The following DENND4A variants were observed in gnomAD, a reference collection of about 807,000 sequenced individuals.
DENND4A encodes the protein C-myc promoter-binding protein.
Under a neutral mutation model 199.3 loss-of-function variants are expected in DENND4A, and 70 were observed. The ratio of observed to expected loss-of-function variants is 0.35; its 90% CI spans 0.29 to 0.43. The LOEUF (loss-of-function observed/expected upper bound fraction) is 0.43. DENND4A is among the 20% of genes least tolerant of loss of function. DENND4A has a pLI of 1.00. For synonymous variants in DENND4A, 686 were observed against 766.9 expected, an observed-to-expected ratio of 0.89 and a Z score of 1.74; for missense variants, 1,723 against 2,255.8, an observed-to-expected ratio of 0.76 and a Z score of 4.78.
intron 1 of DENND4A, among the ~76,000 whole-genome samples, chr15:65,791,626 G>A (rs1194213177): frequency 6.6e-6 from 1 of 152,126 alleles, no homozygotes; most frequent in Non-Finnish European, 1.5e-5. Flanking sequence ...TACCGAGCAG[G>A]TGGGATTCCG....
rs752890550 is a variant in DENND4A at position 65,667,997 on chromosome 15, C to T, written c.4914G>A (p.Leu1638=). ...MARSISTSGP[L]DKEDTGRQKL... ...TCTGTCTTCCAGTATCTTCCTTATC[C>T]AAGGGGCCAGAAGTACTAATACTCC... is the stretch of plus-strand genomic sequence containing the variant. The change falls in exon 28 of 33, where the codon TTG becomes TTA. Residue 1638 remains leucine (L), a synonymous_variant. Transcript: ENST00000443035. 6.2e-7 allele frequency: 1 copy of T among 1,611,232 alleles called. No homozygotes were observed. The highest frequency in any genetic ancestry group is 1.7e-5 in the Admixed American group (1 of 59,098).
chr15:65,682,331 T>G (rs1212984274), intron 23 of DENND4A, among the ~76,000 whole-genome samples: 1 of 152,072 alleles, frequency 6.6e-6, no homozygotes, highest in African/African-American at 2.4e-5. Flanking sequence ...ATCTTCTATA[T>G]TAGCACTTGC....
At chr15:65,683,356 T>G (rs528653049) in intron 23 of DENND4A, among the ~76,000 whole-genome samples, 32 of 152,370 alleles carry the variant, frequency 2.1e-4, no homozygotes, top group Middle Eastern at 3.4e-3. Context: ...ATTGATATTC[T>G]TATGCTTTCC....
chr15:65,723,147 G>C (rs2075698081), intron 11 of DENND4A, among the ~76,000 whole-genome samples, 199 bp from the exon 12 acceptor site: 1 of 152,018 alleles, frequency 6.6e-6, no homozygotes, highest in Non-Finnish European at 1.5e-5. Flanking sequence ...TTTGTATGAG[G>C]GTAGAACCTT....
intron 23 of DENND4A, among the ~76,000 whole-genome samples, chr15:65,679,789 C>A: frequency 6.6e-6 from 1 of 151,950 alleles, no homozygotes; most frequent in Non-Finnish European, 1.5e-5. Flanking sequence ...TCAATGTTAG[C>A]ATGTCTGTAA....
chr15:65,757,182 C>A (rs551872665), intron 2 of DENND4A, among the ~76,000 whole-genome samples: 117 of 151,300 alleles, frequency 7.7e-4, no homozygotes, highest in African/African-American at 2.7e-3. Context: ...AGTCTGTAAA[C>A]TACCACTGAG....
At chr15:65,712,005 C>A (rs570633296) in intron 14 of DENND4A, among the ~76,000 whole-genome samples, 1 of 152,150 alleles carries the variant, frequency 6.6e-6, no homozygotes, top group Non-Finnish European at 1.5e-5. Context: ...AACACTGCTA[C>A]CATTTGAAGT....
At chr15:65,759,478 G>A (rs2076797461) in intron 2 of DENND4A, among the ~76,000 whole-genome samples, 2 of 149,248 alleles carry the variant, frequency 1.3e-5, no homozygotes. Context: ...ACTCCATCTG[G>A]AAAAAAAAAG....
At chr15:65,780,357 G>GT (rs2077406105) in intron 1 of DENND4A, among the ~76,000 whole-genome samples, 1 of 152,182 alleles carries the variant, frequency 6.6e-6, no homozygotes, top group South Asian at 2.1e-4. Context: ...AAGATTAAAA[G>GT]TAAGTAAAGG....
chr15:65,702,836 T>A, intron 16 of DENND4A, 37 bp downstream of exon 16: 5 of 1,569,306 alleles, frequency 3.2e-6, no homozygotes, highest in Non-Finnish European at 4.4e-6. Flanking sequence ...TATTTCTTGT[T>A]CTAAAATTTG....
chr15:65,733,360 C>T (rs1279277616), intron 7 of DENND4A, among the ~76,000 whole-genome samples: 1 of 151,710 alleles, frequency 6.6e-6, no homozygotes, highest in African/African-American at 2.4e-5. Context: ...CACTATGGAA[C>T]AGAAAAAAAG....
intron 23 of DENND4A, among the ~76,000 whole-genome samples, chr15:65,686,665 G>A (rs757045340): frequency 6.6e-6 from 1 of 152,074 alleles, no homozygotes; most frequent in Non-Finnish European, 1.5e-5. Context: ...AACCTCCTGA[G>A]TAGCTGGAAC....
chr15:65,686,735 G>T lies in DENND4A; in HGVS notation c.4179+3680C>A, dbSNP rs148590961. On this transcript the variant is annotated intron_variant, in intron 23 of 32. Transcript: ENST00000443035. ...ATTATGAGATCAGTCTGTTGCTCAG[G>T]TTGGAGTGCAGTGGCACAATCATAG... Among the ~76,000 whole-genome samples, 961 of 152,184 alleles carry T rather than the reference G, an allele frequency of 6.3e-3. 4 individuals are homozygous for T. Among genetic ancestry groups the T allele is most frequent in the Non-Finnish European group, 7.9e-3 (538 of 68,004 alleles).
chr15:65,786,170 T>C (rs1261291133), intron 1 of DENND4A, among the ~76,000 whole-genome samples: 1 of 152,106 alleles, frequency 6.6e-6, no homozygotes, highest in Non-Finnish European at 1.5e-5. Context: ...AGATAAAAAA[T>C]GAAAACAATT....
intron 5 of DENND4A, 25 bp from the exon 6 acceptor site, chr15:65,738,900 G>T (rs976732115): frequency 2.0e-6 from 3 of 1,477,012 alleles, no homozygotes; most frequent in Admixed American, 4.8e-5. Flanking sequence ...ATAAATATTA[G>T]GTCATCATCT....
intron 1 of DENND4A, among the ~76,000 whole-genome samples, chr15:65,775,130 G>T (rs1414791111): frequency 6.6e-6 from 1 of 151,982 alleles, no homozygotes; most frequent in Non-Finnish European, 1.5e-5. Flanking sequence ...TACCATAAAA[G>T]TAAACTAACA....
At chr15:65,740,936 T>C (rs2076244939) in intron 5 of DENND4A, among the ~76,000 whole-genome samples, 1 of 151,948 alleles carries the variant, frequency 6.6e-6, no homozygotes, top group Non-Finnish European at 1.5e-5. Flanking sequence ...TACTCCAGCC[T>C]GAGCAACCGA....
At chr15:65,709,324 A>G (rs1191298406) in intron 14 of DENND4A, among the ~76,000 whole-genome samples, 1 of 152,224 alleles carries the variant, frequency 6.6e-6, no homozygotes, top group Non-Finnish European at 1.5e-5. Flanking sequence ...ACAGCATTGT[A>G]TAATTATTTA....
chr15:65,710,666 A>G (rs1355614541), intron 14 of DENND4A, among the ~76,000 whole-genome samples: 1 of 152,234 alleles, frequency 6.6e-6, no homozygotes, highest in Non-Finnish European at 1.5e-5. Flanking sequence ...TATTGCCAAT[A>G]TTTAATTTTA....
Sources: gnomAD v4.1 joint callset for allele counts (sites outside exome capture counted in the v4.1 genomes callset) on GRCh38, gnomAD v4.1.1 for gene constraint, MANE v1.5 for transcripts, NCBI Gene and HGNC (gene_info 2026-07-23, HGNC 2026-07-21) for gene names.